MECOM: variants seen among roughly 807,000 people sequenced by gnomAD.
The protein encoded by MECOM is MDS1 and EVI1 complex locus, also known as histone-lysine N-methyltransferase MECOM.
A neutral mutation model predicts 116.3 loss-of-function variants in MECOM; 13 were observed. The observed-to-expected ratio is 0.11, with a 90% CI of 0.07 to 0.18. The LOEUF (loss-of-function observed/expected upper bound fraction) is 0.18. MECOM is among the 10% of genes least tolerant of loss of function. The pLI is 1.00. For missense variants in MECOM, 1,299 were observed against 1,509.0 expected (o/e 0.86, Z 2.31); for synonymous variants, 528 against 535.2 (o/e 0.99, Z 0.19).
chr3:169,313,719 A>G (rs541367837), intron 2 of MECOM, among the ~76,000 whole-genome samples: 3 of 152,334 alleles, frequency 2.0e-5, no homozygotes, highest in East Asian at 1.9e-4. Flanking sequence ...GGGAAAAGGT[A>G]TAGAGGTTAA....
intron 4 of MECOM, among the ~76,000 whole-genome samples, chr3:169,130,418 C>CA (rs1246144850): frequency 2.6e-5 from 4 of 152,140 alleles, no homozygotes; most frequent in Admixed American, 2.0e-4. Flanking sequence ...ATTTGCATGT[C>CA]AGAGTTGCTA....
chr3:169,128,164 G>A (rs1415735100), intron 4 of MECOM, 104 bp from the exon 5 acceptor site: 11 of 937,384 alleles, frequency 1.2e-5, no homozygotes, highest in Middle Eastern at 2.8e-4. Flanking sequence ...TTATTTGATT[G>A]TCATTTCTAT....
At chr3:169,382,864 AT>A (rs67284342) in intron 1 of MECOM, among the ~76,000 whole-genome samples, 19,340 of 111,224 alleles carry the variant, frequency 0.17, 2,821 homozygotes, top group East Asian at 0.28. Flanking sequence ...AAAAAAAAAA[AT>A]AAAAAAAATA....
intron 1 of MECOM, among the ~76,000 whole-genome samples, chr3:169,455,777 T>G (rs559146381): frequency 6.6e-6 from 1 of 152,236 alleles, no homozygotes; most frequent in East Asian, 1.9e-4. Context: ...AAACTCAGGA[T>G]CCTATGTCCA....
At chr3:169,103,905 C>A (rs1002347197) in intron 10 of MECOM, among the ~76,000 whole-genome samples, 1 of 152,022 alleles carries the variant, frequency 6.6e-6, no homozygotes, top group African/African-American at 2.4e-5. Context: ...TGGAGCCTGC[C>A]CTCTCATTTC....
intron 1 of MECOM, among the ~76,000 whole-genome samples, chr3:169,511,862 T>A (rs1043688089): frequency 6.6e-6 from 1 of 152,218 alleles, no homozygotes; most frequent in Non-Finnish European, 1.5e-5. Context: ...TTTCTATAAT[T>A]TCCCCCATCA....
At chr3:169,396,567 G>A (rs760984014) in intron 1 of MECOM, among the ~76,000 whole-genome samples, 9 of 152,080 alleles carry the variant, frequency 5.9e-5, no homozygotes, top group Non-Finnish European at 1.2e-4. Context: ...TACCTGTTTT[G>A]TTTTACCTGC....
intron 2 of MECOM, among the ~76,000 whole-genome samples, chr3:169,355,425 T>A (rs1437725413): frequency 6.6e-6 from 1 of 151,942 alleles, no homozygotes; most frequent in Non-Finnish European, 1.5e-5. Flanking sequence ...GGTTAATTTG[T>A]GGAAACTAGG....
chr3:169,378,449 GAAGGAAAGCAAGCAAGCAAGCAAGCA>G lies in MECOM; in HGVS notation c.375+2712_375+2737del, dbSNP rs1560196643. Among the ~76,000 whole-genome samples, 120 of 59,526 alleles carry G rather than the reference GAAGGAAAGCAAGCAAGCAAGCAAGCA, an allele frequency of 2.0e-3. 1 individual carries two copies. Among genetic ancestry groups the G allele is most frequent in the African/African-American group, 0.012 (109 of 8,890 alleles). 39.1% of individuals were successfully genotyped at this position (59,526 alleles called of 152,430 possible). A position where few individuals can be genotyped will look rare whatever the true frequency, so the allele number is the denominator to read the frequency against. On this transcript the variant is annotated intron_variant, in intron 2 of 16. Coordinates refer to ENST00000651503, the MANE Select transcript of MECOM (RefSeq NM_004991.4). ...AGAAAGAAAGAAAGAAAGAAAGAAAGAAGGAAAGCAAGCAAGCAAGCAAGCAAGAAAGAGAGAGAGAAAGAAAGAAA... is the reference window on the plus strand; with the variant it reads ...AGAAAGAAAGAAAGAAAGAAAGAAAGAGAAAGAGAGAGAGAAAGAAAGAAA...
At chr3:169,268,907 G>C (rs757906331) in intron 2 of MECOM, among the ~76,000 whole-genome samples, 3 of 152,130 alleles carry the variant, frequency 2.0e-5, no homozygotes, top group Non-Finnish European at 2.9e-5. Context: ...GGAATTGAGG[G>C]GTGGGCGGAA....
chr3:169,386,553 ATG>A (rs1733348115), intron 1 of MECOM, among the ~76,000 whole-genome samples: 1 of 152,144 alleles, frequency 6.6e-6, no homozygotes, highest in Non-Finnish European at 1.5e-5. Context: ...ACCCTTCCTT[ATG>A]TGTATTTTAC....
intron 2 of MECOM, among the ~76,000 whole-genome samples, chr3:169,322,967 T>C (rs1436410312): frequency 9.2e-6 from 1 of 108,510 alleles, no homozygotes; most frequent in Non-Finnish European, 1.7e-5. Flanking sequence ...ACCACTACAC[T>C]CCAGCCTGCA....
At position 169,404,155 on chromosome 3, in the gene MECOM, G is replaced by GT. The variant is rs532087916; in HGVS notation, c.38-22632dup. Among the ~76,000 whole-genome samples the GT allele has an allele frequency of 2.6e-3, 403 of 152,162 alleles. 3 individuals carry two copies. The highest frequency in any genetic ancestry group is 8.4e-3 in the Admixed American group (129 of 15,288). ...AACTAGACCCTATACTAATTCAAGA[G>GT]TTTTAAAATTTTTTTAAATAGCTAA... On this transcript the variant is annotated intron_variant, in intron 1 of 16. Coordinates refer to ENST00000651503, the MANE Select transcript of MECOM (RefSeq NM_004991.4).
In MECOM at chr3:169,483,638, G is replaced by A; in HGVS notation, c.38-102114C>T. ...ATTTTGGTTCCCAAGTTTTATTCAA[G>A]AACTCATACAAAATTTTCCAGATAA... On this transcript the variant is annotated intron_variant, in intron 1 of 16. Coordinates refer to ENST00000651503, the MANE Select transcript of MECOM (RefSeq NM_004991.4). 4.2e-6 allele frequency: 6 copies of A among 1,417,830 alleles called. No individual in the cohort carries two copies. In the South Asian group the frequency reaches 5.4e-5, roughly 13 times the overall value. The allele number at this position is 1,417,830 out of a possible 1,614,324, so 87.8% of individuals were successfully genotyped here.
At chr3:169,419,102 T>C (rs1241284124) in intron 1 of MECOM, among the ~76,000 whole-genome samples, 1 of 151,984 alleles carries the variant, frequency 6.6e-6, no homozygotes, top group African/African-American at 2.4e-5. Flanking sequence ...ACACCAATAA[T>C]AGACAAACAG....
rs565521999 is a variant in MECOM at position 169,611,974 on chromosome 3, G to T, written c.37+51362C>A. ...ATTCTTTGTGATGGGGAGCTGTCCC[G>T]TGCATTATAAAATATTGAGCAGTGT... On this transcript the variant is annotated intron_variant, in intron 1 of 16. Transcript: ENST00000651503. This position sits in a 1 kb window ranked among gnomAD's most constrained non-coding sequence, Gnocchi z 4.1. Among the ~76,000 whole-genome samples, 2 of 152,106 alleles carry T rather than the reference G, an allele frequency of 1.3e-5. No homozygotes were observed. The highest frequency in any genetic ancestry group is 2.9e-5 in the Non-Finnish European group (2 of 68,024).
chr3:169,632,772 C>T lies in MECOM; in HGVS notation c.37+30564G>A, dbSNP rs139267284. On this transcript the variant is annotated intron_variant, in intron 1 of 16. Coordinates refer to ENST00000651503, the MANE Select transcript of MECOM (RefSeq NM_004991.4). ...TGGCAACCTGTCTGAGTTAGCTTAT[C>T]CCAAAGGTCTTTATTTTTGTTTGGT... Among the ~76,000 whole-genome samples the T allele has an allele frequency of 6.6e-4, 100 of 152,330 alleles. No homozygotes were observed. In the Middle Eastern group the frequency reaches 0.024, roughly 36 times the overall value.
intron 2 of MECOM, among the ~76,000 whole-genome samples, chr3:169,158,809 A>G (rs1053575342): frequency 2.0e-5 from 3 of 152,204 alleles, no homozygotes; most frequent in African/African-American, 7.2e-5. Flanking sequence ...TTGCAATGAC[A>G]AGATAAGTAA....
intron 2 of MECOM, among the ~76,000 whole-genome samples, chr3:169,210,496 T>C (rs1750572140): frequency 2.0e-5 from 3 of 152,170 alleles, no homozygotes; most frequent in Non-Finnish European, 4.4e-5. Flanking sequence ...ACATTTTCAC[T>C]GACATGAAAC....
Sources: allele counts gnomAD v4.1 joint callset (sites outside exome capture counted in the v4.1 genomes callset), GRCh38; gene constraint gnomAD v4.1.1; non-coding constraint Gnocchi (gnomAD v3.1); transcripts MANE v1.5; gene names NCBI Gene and HGNC (gene_info 2026-07-23, HGNC 2026-07-21).